Variants in DNER observed in about 807,000 individuals in gnomAD.
DNER encodes the protein delta/notch like EGF repeat containing, also known as delta and Notch-like epidermal growth factor-related receptor.
In DNER, 33 loss-of-function variants were observed where a neutral mutation model predicts 78.2. The ratio of observed to expected loss-of-function variants is 0.42; its 90% CI spans 0.32 to 0.56. DNER has a LOEUF of 0.56. Among genes scored for constraint, DNER ranks in the 20% least tolerant of loss-of-function variants. The pLI is 0.11. For synonymous variants in DNER, 417 were observed against 384.8 expected (o/e 1.08, Z -0.98); for missense variants, 918 against 975.3 (o/e 0.94, Z 0.78).
chr2:229,397,463 C>CAAAAAAAAAAAAAAAAAA lies in DNER; in HGVS notation c.1724-9068_1724-9067insTTTTTTTTTTTTTTTTTT, dbSNP rs763572496. On this transcript the variant is annotated intron_variant, in intron 10 of 12. Transcript: ENST00000341772. ...ACTGCTCCACTCCAGCCAAACACTA[C>CAAAAAAAAAAAAAAAAAA]AAAAAAAAAAAAAAAACTGCAAGTC... 6.4e-4 allele frequency among the ~76,000 whole-genome samples: 62 copies of CAAAAAAAAAAAAAAAAAA among 96,530 alleles called. 3 individuals are homozygous for CAAAAAAAAAAAAAAAAAA. The highest frequency in any genetic ancestry group is 9.8e-4 in the East Asian group (3 of 3,060). 63.3% of individuals were successfully genotyped at this position (96,530 alleles called of 152,430 possible). A position where few individuals can be genotyped will look rare whatever the true frequency, so the allele number is the denominator to read the frequency against.
At chr2:229,604,447 T>C (rs964385132) in intron 1 of DNER, among the ~76,000 whole-genome samples, 1 of 152,168 alleles carries the variant, frequency 6.6e-6, no homozygotes, top group African/African-American at 2.4e-5. Context: ...CTGTATCTGT[T>C]AGGCTCGGTG....
At chr2:229,558,985 C>T (rs4973213) in intron 4 of DNER, among the ~76,000 whole-genome samples, 152,293 of 152,296 alleles carry the variant, frequency 1, 76,145 homozygotes, top group Non-Finnish European at 1. Flanking sequence ...TAACACACGA[C>T]TGGTGCATTC....
At chr2:229,713,790 C>T (rs770386324) in intron 1 of DNER, among the ~76,000 whole-genome samples, 1 of 152,192 alleles carries the variant, frequency 6.6e-6, no homozygotes, top group Non-Finnish European at 1.5e-5. Context: ...GAGCCGGCTC[C>T]TCCGCGCTGC....
chr2:229,675,975 C>T (rs879012477), intron 1 of DNER, among the ~76,000 whole-genome samples: 2 of 152,218 alleles, frequency 1.3e-5, no homozygotes, highest in Non-Finnish European at 2.9e-5. Flanking sequence ...GAGAAGGAAG[C>T]TGCAGTTCTC....
intron 1 of DNER, among the ~76,000 whole-genome samples, chr2:229,689,071 G>A (rs933718237): frequency 1.3e-5 from 2 of 152,148 alleles, no homozygotes; most frequent in Non-Finnish European, 2.9e-5. Flanking sequence ...TGGCTGATAG[G>A]TGCAGCAAAC....
At chr2:229,564,449 T>C (rs1294068930) in intron 4 of DNER, among the ~76,000 whole-genome samples, 1 of 133,496 alleles carries the variant, frequency 7.5e-6, no homozygotes, top group African/African-American at 2.9e-5. Context: ...CCTCATCCCA[T>C]CACCATCATC....
chr2:229,648,290 T>C (rs1698754946), intron 1 of DNER, among the ~76,000 whole-genome samples: 1 of 152,230 alleles, frequency 6.6e-6, no homozygotes, highest in Non-Finnish European at 1.5e-5. Context: ...TGGTACCTAG[T>C]AGATGCTCAA....
intron 9 of DNER, 101 bp downstream of exon 9, chr2:229,418,007 G>C: frequency 6.4e-7 from 1 of 1,563,368 alleles, no homozygotes; most frequent in Non-Finnish European, 8.7e-7. Context: ...TTGTTATTCT[G>C]AACAATTCAT....
chr2:229,697,240 C>T (rs1699676092), intron 1 of DNER, among the ~76,000 whole-genome samples: 1 of 152,102 alleles, frequency 6.6e-6, no homozygotes. Context: ...TGAAAGATGC[C>T]AGACACAAAC....
chr2:229,425,901 G>C (rs920825681), intron 8 of DNER, among the ~76,000 whole-genome samples: 2 of 152,150 alleles, frequency 1.3e-5, no homozygotes, highest in South Asian at 4.1e-4. Flanking sequence ...CACTCCCCTC[G>C]TACAGACTGA....
intron 8 of DNER, among the ~76,000 whole-genome samples, chr2:229,442,136 A>G (rs577915766): frequency 6.6e-6 from 1 of 152,286 alleles, no homozygotes; most frequent in Non-Finnish European, 1.5e-5. Flanking sequence ...TCTGGAGGAA[A>G]AAGGTAATAT....
At chr2:229,534,310 TG>T (rs1232497880) in intron 5 of DNER, among the ~76,000 whole-genome samples, 2 of 148,358 alleles carry the variant, frequency 1.3e-5, no homozygotes, top group African/African-American at 5.0e-5. Context: ...TAGATTGTAA[TG>T]GTAACAGACC....
intron 4 of DNER, among the ~76,000 whole-genome samples, chr2:229,549,621 A>C (rs796185068): frequency 2.3e-4 from 35 of 152,194 alleles, no homozygotes; most frequent in African/African-American, 8.4e-4. Context: ...TTTCTTTCTT[A>C]ATAACATAGG....
chr2:229,400,838 G>A (rs1281513407), intron 10 of DNER, among the ~76,000 whole-genome samples: 1 of 152,010 alleles, frequency 6.6e-6, no homozygotes, highest in Non-Finnish European at 1.5e-5. Flanking sequence ...TTCTTTGGAA[G>A]GAAGTCACTT....
intron 4 of DNER, among the ~76,000 whole-genome samples, chr2:229,555,727 C>T (rs972550194): frequency 7.9e-5 from 12 of 151,986 alleles, no homozygotes; most frequent in African/African-American, 2.7e-4. Context: ...AATGTCTTAT[C>T]ATCCAATATG....
intron 4 of DNER, among the ~76,000 whole-genome samples, chr2:229,562,559 C>T (rs1157802053): frequency 6.6e-6 from 1 of 151,940 alleles, no homozygotes; most frequent in African/African-American, 2.4e-5. Context: ...TCATTAATTC[C>T]AAATGGATGC....
chr2:229,701,385 C>T (rs533518457), intron 1 of DNER, among the ~76,000 whole-genome samples: 4 of 152,332 alleles, frequency 2.6e-5, no homozygotes, highest in Admixed American at 6.5e-5. Flanking sequence ...ATTAAACATA[C>T]AAGTTTCCCA....
At chr2:229,460,085 A>G (rs920848230) in intron 7 of DNER, among the ~76,000 whole-genome samples, 1 of 131,432 alleles carries the variant, frequency 7.6e-6, no homozygotes, top group South Asian at 2.6e-4. Flanking sequence ...TGAACCTGGG[A>G]GGCGGAGCTT....
At chr2:229,477,322 TTGA>T (rs1453509835) in intron 6 of DNER, 69 bp from the exon 7 acceptor site, 130 of 1,166,348 alleles carry the variant, frequency 1.1e-4, no homozygotes, top group Non-Finnish European at 1.5e-4. Context: ...ACTCTAGGAA[TTGA>T]TGGATTCAAC....
Sources: allele counts gnomAD v4.1 joint callset (sites outside exome capture counted in the v4.1 genomes callset), GRCh38; gene constraint gnomAD v4.1.1; transcripts MANE v1.5; gene names NCBI Gene and HGNC (gene_info 2026-07-23, HGNC 2026-07-21).